RBMS3: variants seen among roughly 807,000 people sequenced by gnomAD.
RBMS3 encodes the protein RNA-binding motif, single-stranded-interacting protein 3.
A neutral mutation model predicts 66.8 loss-of-function variants in RBMS3; 27 were observed. That is an observed-to-expected ratio of 0.40 (90% confidence interval 0.30 to 0.56). The LOEUF is 0.56. Among genes scored for constraint, RBMS3 ranks in the 20% least tolerant of loss-of-function variants. RBMS3 has a pLI of 0.40. For missense variants in RBMS3, 513 were observed against 549.5 expected (o/e 0.93, Z 0.66); for synonymous variants, 188 against 183.0 (o/e 1.03, Z -0.22).
chr3:29,736,548 T>G (rs17024302), intron 4 of RBMS3, among the ~76,000 whole-genome samples: 2,207 of 143,144 alleles, frequency 0.015, 35 homozygotes, highest in Middle Eastern at 0.045. Context: ...ATTAACCTGA[T>G]CAAGGGCAAA....
chr3:29,786,244 G>C (rs1337733145), intron 6 of RBMS3, among the ~76,000 whole-genome samples: 1 of 152,062 alleles, frequency 6.6e-6, no homozygotes, highest in African/African-American at 2.4e-5. Flanking sequence ...AATCAGTGTT[G>C]TGAAAATGAC....
At chr3:29,497,737 A>G (rs1015716496) in intron 3 of RBMS3, among the ~76,000 whole-genome samples, 4 of 152,058 alleles carry the variant, frequency 2.6e-5, no homozygotes, top group South Asian at 2.1e-4. Context: ...TCTAGATTAT[A>G]AACTCCCTGG....
At chr3:29,679,768 G>GTATA (rs34934611) in intron 4 of RBMS3, among the ~76,000 whole-genome samples, 10,663 of 145,260 alleles carry the variant, frequency 0.073, 467 homozygotes, top group Non-Finnish European at 0.099. Flanking sequence ...CTACTTGACT[G>GTATA]TATATATATA....
At chr3:29,310,613 T>A (rs2034314524) in intron 1 of RBMS3, among the ~76,000 whole-genome samples, 1 of 151,652 alleles carries the variant, frequency 6.6e-6, no homozygotes. Context: ...GATTTGTTTG[T>A]TTATTTTATG....
rs183656738 is a variant in RBMS3, at chr3:29,635,337, A to G, written c.399+48132A>G. 1.4e-3 allele frequency among the ~76,000 whole-genome samples: 213 copies of G among 151,918 alleles called. No homozygotes were observed. The Middle Eastern group carries it at 0.017, about 12-fold the overall frequency. On this transcript the variant is annotated intron_variant, in intron 4 of 14. Coordinates refer to ENST00000383767, the MANE Select transcript of RBMS3 (RefSeq NM_001003793.3). The stretch of plus-strand genomic sequence containing the variant: ...ACCTGCTCTTTCTGCAGCCTTCCCC[A>G]TCTCAGTTGATGGCAGTACCATCCT...
intron 3 of RBMS3, among the ~76,000 whole-genome samples, chr3:29,544,749 T>A (rs1156729651): frequency 6.7e-6 from 1 of 149,186 alleles, no homozygotes; most frequent in Non-Finnish European, 1.5e-5. Context: ...GACAAAAGAA[T>A]GGTCTGTATT....
At chr3:29,736,502 G>A (rs2054384654) in intron 4 of RBMS3, among the ~76,000 whole-genome samples, 1 of 152,206 alleles carries the variant, frequency 6.6e-6, no homozygotes. Flanking sequence ...TCTAAGGTCT[G>A]TACAGTACCC....
At chr3:29,348,981 C>T (rs2036746623) in intron 1 of RBMS3, among the ~76,000 whole-genome samples, 1 of 152,090 alleles carries the variant, frequency 6.6e-6, no homozygotes, top group African/African-American at 2.4e-5. Context: ...TCTAACCCTG[C>T]TAGTGTCAAA....
chr3:29,893,224 G>C lies in RBMS3; in HGVS notation c.792-4155G>C, dbSNP rs1368653341. ...AGTATTGGAATTTGCTGGGAAGTAT[G>C]AAATGTAATTCTTGTTTGATGGATA... On this transcript the variant is annotated intron_variant, in intron 8 of 14. Transcript: ENST00000383767. 2.6e-5 allele frequency among the ~76,000 whole-genome samples: 4 copies of C among 151,484 alleles called. No individual in the cohort carries two copies. The East Asian group carries it at 7.8e-4, about 30-fold the overall frequency.
chr3:29,565,292 G>A (rs1455530376), intron 3 of RBMS3, among the ~76,000 whole-genome samples: 2 of 152,140 alleles, frequency 1.3e-5, no homozygotes, highest in African/African-American at 4.8e-5. Context: ...TTATTAATGT[G>A]TTATAAATGC....
intron 4 of RBMS3, among the ~76,000 whole-genome samples, chr3:29,660,367 C>G (rs1300153907): frequency 6.6e-6 from 1 of 152,208 alleles, no homozygotes; most frequent in African/African-American, 2.4e-5. Flanking sequence ...CCCTTGCACT[C>G]TTTGGGATAC....
intron 10 of RBMS3, among the ~76,000 whole-genome samples, chr3:29,934,879 C>T (rs1279311721): frequency 4.0e-5 from 6 of 151,836 alleles, no homozygotes; most frequent in Admixed American, 3.9e-4. Flanking sequence ...TTCGATAATA[C>T]CAGGAAGAAT....
At chr3:29,631,309 T>G (rs1299035426) in intron 4 of RBMS3, among the ~76,000 whole-genome samples, 1 of 151,934 alleles carries the variant, frequency 6.6e-6, no homozygotes, top group African/African-American at 2.4e-5. Context: ...TTATATTTGT[T>G]CTTTTATTTG....
intron 1 of RBMS3, among the ~76,000 whole-genome samples, chr3:29,342,776 A>G (rs376968038): frequency 8.5e-5 from 13 of 152,290 alleles, no homozygotes; most frequent in African/African-American, 2.9e-4. Context: ...TTCACACATT[A>G]TACAAATAGT....
chr3:29,474,065 C>T (rs1410919935), intron 2 of RBMS3, among the ~76,000 whole-genome samples: 1 of 152,264 alleles, frequency 6.6e-6, no homozygotes, highest in Non-Finnish European at 1.5e-5. Flanking sequence ...TGTCACCTCT[C>T]ACTAGGATTA....
intron 4 of RBMS3, among the ~76,000 whole-genome samples, chr3:29,634,462 C>A (rs1461503691): frequency 2.0e-5 from 3 of 151,820 alleles, no homozygotes; most frequent in Admixed American, 1.3e-4. Flanking sequence ...GAGCCTCTAC[C>A]TGCAAGCCTT....
At chr3:29,590,520 C>T (rs1027240202) in intron 4 of RBMS3, among the ~76,000 whole-genome samples, 1 of 151,802 alleles carries the variant, frequency 6.6e-6, no homozygotes, top group African/African-American at 2.4e-5. Flanking sequence ...TTTTTATTGC[C>T]TACTCTGTCT....
chr3:29,766,451 C>T (rs1278814356), intron 6 of RBMS3: 1 of 151,902 alleles, frequency 6.6e-6, no homozygotes, highest in Non-Finnish European at 1.5e-5. Context: ...GTTGCTGCCC[C>T]ATTTCGATTT....
At chr3:29,946,344 C>A (rs1057171724) in intron 12 of RBMS3, among the ~76,000 whole-genome samples, 2 of 151,588 alleles carry the variant, frequency 1.3e-5, no homozygotes, top group Non-Finnish European at 3.0e-5. Flanking sequence ...AACTCTTTGC[C>A]AGTGTAGAAT....
Sources: allele counts gnomAD v4.1 joint callset (sites outside exome capture counted in the v4.1 genomes callset), GRCh38; gene constraint gnomAD v4.1.1; transcripts MANE v1.5; gene names NCBI Gene and HGNC (gene_info 2026-07-23, HGNC 2026-07-21).